MB21D2: variants seen among roughly 807,000 people sequenced by gnomAD.
The protein encoded by MB21D2 is Mab-21 domain containing 2, also known as nucleotidyltransferase MB21D2.
Under a neutral mutation model 33.3 loss-of-function variants are expected in MB21D2, and 9 were observed. That is an observed-to-expected ratio of 0.27 (90% CI 0.16 to 0.47). The LOEUF is 0.47. Among genes scored for constraint, MB21D2 ranks in the 20% least tolerant of loss-of-function variants. MB21D2 has a pLI of 0.99. For missense variants in MB21D2, 540 were observed against 624.6 expected (o/e 0.86, Z 1.44); for synonymous variants, 241 against 236.3 (o/e 1.02, Z -0.18).
intron 1 of MB21D2, 24 bp downstream of exon 1, chr3:192,917,606 C>T (rs1267503193): frequency 3.1e-6 from 5 of 1,612,200 alleles, no homozygotes; most frequent in Non-Finnish European, 4.2e-6. Flanking sequence ...CACGCACACA[C>T]ACCTCCCCCT....
At chr3:192,841,089 T>TA (rs1712562861) in intron 1 of MB21D2, among the ~76,000 whole-genome samples, 1 of 152,106 alleles carries the variant, frequency 6.6e-6, no homozygotes, top group Admixed American at 6.5e-5. Context: ...CTCTATCTCT[T>TA]AAAAAAGGAG....
intron 1 of MB21D2, among the ~76,000 whole-genome samples, chr3:192,840,633 A>AG (rs1712550318): frequency 6.6e-6 from 1 of 151,928 alleles, no homozygotes; most frequent in African/African-American, 2.4e-5. Context: ...GGAGGTGACC[A>AG]GCTGAATCTC....
intron 1 of MB21D2, among the ~76,000 whole-genome samples, chr3:192,832,900 A>G (rs1420789100): frequency 1.3e-5 from 2 of 152,150 alleles, no homozygotes; most frequent in East Asian, 3.9e-4. Context: ...TTTTGCATAG[A>G]CTGCCAGGAA....
chr3:192,892,585 C>T (rs534907176), intron 1 of MB21D2, among the ~76,000 whole-genome samples: 1 of 152,172 alleles, frequency 6.6e-6, no homozygotes, highest in Non-Finnish European at 1.5e-5. Context: ...GGATTACAGG[C>T]ACCTGCCACC....
At chr3:192,816,230 A>AG (rs1266870495) in intron 1 of MB21D2, among the ~76,000 whole-genome samples, 3 of 151,814 alleles carry the variant, frequency 2.0e-5, no homozygotes, top group South Asian at 4.2e-4. Flanking sequence ...TTTTAAAAAA[A>AG]AAGATGGTTC....
intron 1 of MB21D2, among the ~76,000 whole-genome samples, chr3:192,829,681 A>G (rs1712270055): frequency 6.6e-6 from 1 of 152,040 alleles, no homozygotes; most frequent in Non-Finnish European, 1.5e-5. Context: ...GCTGGAGTGC[A>G]GTCTAGAGCA....
intron 1 of MB21D2, among the ~76,000 whole-genome samples, chr3:192,861,858 C>T (rs772920333): frequency 1.3e-4 from 20 of 152,118 alleles, no homozygotes; most frequent in Admixed American, 9.2e-4. Flanking sequence ...TGAACCATGT[C>T]TCTACTCTCC....
intron 1 of MB21D2, among the ~76,000 whole-genome samples, chr3:192,817,637 G>A (rs1711956377): frequency 6.6e-6 from 1 of 152,156 alleles, no homozygotes; most frequent in Non-Finnish European, 1.5e-5. Flanking sequence ...TCCTTAAAAT[G>A]TTTGTGGTGT....
chr3:192,871,888 G>A (rs577018916), intron 1 of MB21D2, among the ~76,000 whole-genome samples: 1 of 152,170 alleles, frequency 6.6e-6, no homozygotes, highest in African/African-American at 2.4e-5. Context: ...TGGTTCAAAA[G>A]GCCCTGCAGT....
rs2108607691 is a variant in MB21D2, at chr3:192,799,761, A to G, written c.212-111T>C. On this transcript the variant is annotated intron_variant, in intron 1 of 1. Coordinates refer to ENST00000392452, the MANE Select transcript of MB21D2 (RefSeq NM_178496.4). This position sits in a 1 kb window ranked among gnomAD's most constrained non-coding sequence, Gnocchi z 4.1. ...CCAAGAACCAAAACTCATTATCAGT[A>G]CTAAATCAAATCTCAGGCTGCTGCA... 8.5e-7 allele frequency: 1 copy of G among 1,174,760 alleles called. No homozygotes were observed. Among genetic ancestry groups the G allele is most frequent in the Non-Finnish European group, 1.2e-6 (1 of 858,736 alleles). 72.8% of individuals were successfully genotyped at this position (1,174,760 alleles called of 1,614,324 possible). A position where few individuals can be genotyped will look rare whatever the true frequency, so the allele number is the denominator to read the frequency against.
At chr3:192,832,491 G>T (rs991392108) in intron 1 of MB21D2, among the ~76,000 whole-genome samples, 1 of 152,124 alleles carries the variant, frequency 6.6e-6, no homozygotes, top group African/African-American at 2.4e-5. Flanking sequence ...GCATAATAAG[G>T]ATATGAAAGA....
intron 1 of MB21D2, among the ~76,000 whole-genome samples, chr3:192,828,095 C>T (rs1238649086): frequency 1.3e-5 from 2 of 152,030 alleles, no homozygotes; most frequent in Non-Finnish European, 2.9e-5. Flanking sequence ...GTGAGGCCTC[C>T]CCAGCCATGT....
Position 192,866,796 on chromosome 3 carries a change from C to A in MB21D2, c.211+50834G>T, listed in dbSNP as rs1268773938. ...ACTTAGGAGAGAAGAAAGTTCCCAT[C>A]TTTAGAAGAGGAGACTTAATTGGAT... On this transcript the variant is annotated intron_variant, in intron 1 of 1. Coordinates refer to ENST00000392452, the MANE Select transcript of MB21D2 (RefSeq NM_178496.4). Among the ~76,000 whole-genome samples the A allele has an allele frequency of 2.6e-5, 4 of 152,290 alleles. 1 individual carries two copies. In the South Asian group the frequency reaches 8.3e-4, roughly 32 times the overall value.
At chr3:192,823,851 T>G (rs1387812985) in intron 1 of MB21D2, among the ~76,000 whole-genome samples, 1 of 151,860 alleles carries the variant, frequency 6.6e-6, no homozygotes, top group African/African-American at 2.4e-5. Context: ...AAAAAAAAAA[T>G]TTAAACTGTG....
At chr3:192,876,828 G>A (rs755283865) in intron 1 of MB21D2, among the ~76,000 whole-genome samples, 3 of 152,070 alleles carry the variant, frequency 2.0e-5, no homozygotes, top group African/African-American at 2.4e-5. Flanking sequence ...CTGGTCCTTC[G>A]GGCTCCAGCT....
chr3:192,893,180 T>C (rs960328019), intron 1 of MB21D2, among the ~76,000 whole-genome samples: 1 of 152,194 alleles, frequency 6.6e-6, no homozygotes, highest in African/African-American at 2.4e-5. Context: ...TGGAGTTTAA[T>C]GAGTCACTCT....
chr3:192,893,935 C>G (rs1161384778), intron 1 of MB21D2, among the ~76,000 whole-genome samples: 1 of 152,116 alleles, frequency 6.6e-6, no homozygotes, highest in African/African-American at 2.4e-5. Context: ...ACTGTGGAGG[C>G]TGAGGCAAAA....
At chr3:192,865,252 G>A (rs556220926) in intron 1 of MB21D2, among the ~76,000 whole-genome samples, 1 of 152,288 alleles carries the variant, frequency 6.6e-6, no homozygotes, top group South Asian at 2.1e-4. Context: ...AGCAACCCAG[G>A]GAGCTGATCA....
chr3:192,842,416 A>T (rs1712593987), intron 1 of MB21D2, among the ~76,000 whole-genome samples: 1 of 152,200 alleles, frequency 6.6e-6, no homozygotes, highest in African/African-American at 2.4e-5. Flanking sequence ...TGCATATAAC[A>T]TGCTGTTCTG....
Sources: gnomAD v4.1 joint callset for allele counts (sites outside exome capture counted in the v4.1 genomes callset) on GRCh38, gnomAD v4.1.1 for gene constraint, Gnocchi (gnomAD v3.1) non-coding constraint, MANE v1.5 for transcripts, NCBI Gene and HGNC (gene_info 2026-07-23, HGNC 2026-07-21) for gene names.